TRPC4: variants seen among roughly 807,000 people sequenced by gnomAD.
TRPC4 encodes the protein short transient receptor potential channel 4.
In TRPC4, 49 loss-of-function variants were observed where a neutral mutation model predicts 99.4. That is an observed-to-expected ratio of 0.49 (90% confidence interval 0.39 to 0.63). The LOEUF is 0.63. Ranked by LOEUF, TRPC4 falls within the 20% of genes least tolerant of loss-of-function variation. TRPC4 has a pLI of 0.00. For missense variants in TRPC4, 898 were observed against 1,152.9 expected (o/e 0.78, Z 3.20); for synonymous variants, 454 against 425.9 (o/e 1.07, Z -0.81).
intron 4 of TRPC4, among the ~76,000 whole-genome samples, chr13:37,677,088 A>T (rs889096980): frequency 6.6e-6 from 1 of 152,080 alleles, no homozygotes; most frequent in African/African-American, 2.4e-5. Flanking sequence ...GATGAGAATT[A>T]CAAGCCTCCC....
chr13:37,670,877 G>T (rs1214202920), intron 5 of TRPC4, among the ~76,000 whole-genome samples: 1 of 152,148 alleles, frequency 6.6e-6, no homozygotes, highest in African/African-American at 2.4e-5. Context: ...GAATGCTCAT[G>T]CATGTTCATG....
chr13:37,678,832 T>C (rs1953143605), intron 4 of TRPC4, among the ~76,000 whole-genome samples: 3 of 152,052 alleles, frequency 2.0e-5, no homozygotes, highest in Admixed American at 2.0e-4. Flanking sequence ...AAATCCTCAA[T>C]AAATAGTAGT....
intron 3 of TRPC4, among the ~76,000 whole-genome samples, chr13:37,719,970 G>T (rs1437340138): frequency 6.6e-6 from 1 of 152,004 alleles, no homozygotes; most frequent in Non-Finnish European, 1.5e-5. Context: ...AGTGGGCTCG[G>T]TGTAGTCAGA....
At chr13:37,805,817 G>A (rs1957515347) in intron 1 of TRPC4, among the ~76,000 whole-genome samples, 1 of 151,892 alleles carries the variant, frequency 6.6e-6, no homozygotes, top group Admixed American at 6.6e-5. Context: ...ATTCCCTTAG[G>A]ATAAAATATT....
At chr13:37,723,868 T>C (rs1954950891) in intron 3 of TRPC4, among the ~76,000 whole-genome samples, 1 of 152,116 alleles carries the variant, frequency 6.6e-6, no homozygotes, top group Non-Finnish European at 1.5e-5. Context: ...ATCTTTTTAA[T>C]ACGGAAAAAA....
At chr13:37,691,748 G>A (rs548289023) in intron 4 of TRPC4, among the ~76,000 whole-genome samples, 1 of 152,288 alleles carries the variant, frequency 6.6e-6, no homozygotes, top group Admixed American at 6.5e-5. Context: ...AGGGTCAGTC[G>A]TGGAATATGA....
intron 1 of TRPC4, among the ~76,000 whole-genome samples, chr13:37,812,000 T>C (rs1957702461): frequency 6.6e-6 from 1 of 151,408 alleles, no homozygotes; most frequent in Non-Finnish European, 1.5e-5. Flanking sequence ...CCGTCTCTAC[T>C]AAAAATACAA....
chr13:37,661,192 C>T (rs1347708699), intron 6 of TRPC4, among the ~76,000 whole-genome samples: 1 of 152,142 alleles, frequency 6.6e-6, no homozygotes, highest in African/African-American at 2.4e-5. Context: ...GAAAGTAATA[C>T]ATAATCCCAA....
intron 2 of TRPC4, among the ~76,000 whole-genome samples, chr13:37,754,713 G>A (rs188489019): frequency 1.8e-3 from 271 of 152,056 alleles, no homozygotes; most frequent in Admixed American, 3.1e-3. Flanking sequence ...GGTTGCTTTG[G>A]CTTTTATTCT....
chr13:37,809,395 C>A (rs1957614410), intron 1 of TRPC4, among the ~76,000 whole-genome samples: 1 of 150,796 alleles, frequency 6.6e-6, no homozygotes, highest in Non-Finnish European at 1.5e-5. Flanking sequence ...TGCAGTGACT[C>A]TTTTGGATAT....
At chr13:37,768,750 T>C (rs1352841151) in intron 2 of TRPC4, among the ~76,000 whole-genome samples, 1 of 150,882 alleles carries the variant, frequency 6.6e-6, no homozygotes. Flanking sequence ...AATTAGGGAC[T>C]GATTTCTCAC....
intron 2 of TRPC4, among the ~76,000 whole-genome samples, chr13:37,765,394 A>T (rs1352952293): frequency 1.3e-5 from 2 of 151,434 alleles, no homozygotes; most frequent in African/African-American, 4.8e-5. Flanking sequence ...AACACTGGCA[A>T]AAGATTTAAT....
chr13:37,684,188 C>T (rs1210464233), intron 4 of TRPC4, among the ~76,000 whole-genome samples: 1 of 152,002 alleles, frequency 6.6e-6, no homozygotes, highest in Non-Finnish European at 1.5e-5. Flanking sequence ...CTACAGTAAC[C>T]ATAATTTTAG....
intron 2 of TRPC4, among the ~76,000 whole-genome samples, chr13:37,776,197 T>A (rs2139315817): frequency 6.6e-6 from 1 of 151,978 alleles, no homozygotes; most frequent in Non-Finnish European, 1.5e-5. Flanking sequence ...ACTAATAAGA[T>A]TCAATTTAAT....
intron 6 of TRPC4, among the ~76,000 whole-genome samples, chr13:37,657,854 A>G (rs1485908713): frequency 6.6e-6 from 1 of 152,194 alleles, no homozygotes. Context: ...ATGATTACTT[A>G]TAGATTATTT....
chr13:37,798,322 A>G (rs1001870364), intron 1 of TRPC4, among the ~76,000 whole-genome samples: 1 of 152,166 alleles, frequency 6.6e-6, no homozygotes, highest in African/African-American at 2.4e-5. Context: ...TTGATGATCC[A>G]GCTGCCTTCT....
intron 1 of TRPC4, among the ~76,000 whole-genome samples, chr13:37,830,310 G>GT (rs1958382131): frequency 1.3e-5 from 2 of 152,084 alleles, no homozygotes; most frequent in African/African-American, 4.8e-5. Context: ...ACAGAAATAT[G>GT]TATCTATAGG....
intron 3 of TRPC4, among the ~76,000 whole-genome samples, chr13:37,701,716 C>T (rs975413094): frequency 5.3e-5 from 8 of 152,108 alleles, no homozygotes; most frequent in African/African-American, 1.4e-4. Flanking sequence ...GACCTATAAC[C>T]ATCAATAGTT....
In TRPC4 at chr13:37,802,164, G is replaced by A. The variant is rs556206392; in HGVS notation, c.-27-18804C>T. ...ACAGAACTGTTGCAAAAACCATACA[G>A]AGAGTTTCCTTATGCCTTTTAGCTT... On this transcript the variant is annotated intron_variant, in intron 1 of 10. Transcript: ENST00000379705. Among the ~76,000 whole-genome samples, 142 of 152,160 alleles carry A rather than the reference G, an allele frequency of 9.3e-4. No individual in the cohort carries two copies. The Middle Eastern group carries it at 0.014, about 15-fold the overall frequency.
Sources: allele counts gnomAD v4.1 joint callset (sites outside exome capture counted in the v4.1 genomes callset), GRCh38; gene constraint gnomAD v4.1.1; transcripts MANE v1.5; gene names NCBI Gene and HGNC (gene_info 2026-07-23, HGNC 2026-07-21).